Variants in SALL3 observed in about 807,000 individuals in gnomAD.
SALL3 encodes spalt like transcription factor 3, also known as sal-like protein 3.
In SALL3, 25 loss-of-function variants were observed where a neutral mutation model predicts 66.2. The observed-to-expected ratio is 0.38, with a 90% CI of 0.28 to 0.53. The LOEUF (loss-of-function observed/expected upper bound fraction) is 0.53. SALL3 is among the 20% of genes least tolerant of loss of function. The probability of loss-of-function intolerance (pLI) is 0.85; values close to 1 mark genes in which losing one functional copy is unlikely to be tolerated. For synonymous variants in SALL3, 1,152 were observed against 899.1 expected, an observed-to-expected ratio of 1.28 and a Z score of -5.03; for missense variants, 2,194 against 1,916.5, an observed-to-expected ratio of 1.14 and a Z score of -2.70.
chr18:78,994,699 A>T lies in SALL3; in HGVS notation c.2708A>T (p.Gln903Leu). ...GCCCTGTCCGAGTCCTCGTCCTCGC[A>T]GGCCCTGTCGCCGGCCCCCAGCAAT... ...SPALSESSSS[Q>L]ALSPAPSNGE... The change falls in exon 2 of 3, where the codon CAG becomes CTG. Residue 903 changes from glutamine (Q) to leucine (L), a missense_variant. Physicochemically the swap from Gln to Leu is moderately radical, Grantham distance 113. Coordinates refer to ENST00000537592, the MANE Select transcript of SALL3 (RefSeq NM_171999.4). The T allele has an allele frequency of 1.9e-6, 3 of 1,606,072 alleles. No homozygotes were observed. The highest frequency in any genetic ancestry group is 2.5e-6 in the Non-Finnish European group (3 of 1,179,386).
chr18:78,981,422 A>G (rs1251586995), intron 1 of SALL3, among the ~76,000 whole-genome samples: 4 of 152,354 alleles, frequency 2.6e-5, no homozygotes, highest in African/African-American at 9.6e-5. Context: ...TTGACCTGTT[A>G]TAAGTTGTTG....
chr18:78,981,022 C>G (rs1186156624), intron 1 of SALL3, among the ~76,000 whole-genome samples: 1 of 152,206 alleles, frequency 6.6e-6, no homozygotes, highest in East Asian at 1.9e-4. Flanking sequence ...GCGTTCGTTG[C>G]AGCGTCTGCG....
Position 78,995,041 on chromosome 18 carries a change from TG to T in SALL3, c.3053del (p.Gly1018ValfsTer3). 6.2e-7 allele frequency: 1 copy of T among 1,613,840 alleles called. No individual in the cohort carries two copies. The highest frequency in any genetic ancestry group is 8.5e-7 in the Non-Finnish European group (1 of 1,180,036). On this transcript the variant is annotated frameshift_variant, in exon 2 of 3. Coordinates refer to ENST00000537592, the MANE Select transcript of SALL3 (RefSeq NM_171999.4). LOFTEE classifies it high-confidence loss of function. ...CTCTGCAGGCGAGGGTGCTCCACTA[TG>T]GGTAATTTAAAACAGCACTTACTGA... ...CALCRRGCST[M>X]GNLKQHLLTH...
chr18:78,993,286 ACAGCGCGCT>A lies in SALL3; in HGVS notation c.1297_1305del (p.Ser433_Leu435del). ...TTCTGCGCCAAGGTCTTCGGCAGCG[ACAGCGCGCT>A]CCAGATCCACCTGCGCTCGCACACA... is the stretch of plus-strand genomic sequence containing the variant. On this transcript the variant is annotated inframe_deletion, in exon 2 of 3. Coordinates refer to ENST00000537592, the MANE Select transcript of SALL3 (RefSeq NM_171999.4). The A allele has an allele frequency of 6.2e-7, 1 of 1,611,318 alleles. No individual in the cohort carries two copies. Among genetic ancestry groups the A allele is most frequent in the Non-Finnish European group, 8.5e-7 (1 of 1,179,754 alleles).
rs776053036 is a variant in SALL3, at chr18:78,993,164, C to A, written c.1173C>A (p.Ser391=). 1 of 1,607,818 alleles carries A rather than the reference C, an allele frequency of 6.2e-7. No individual in the cohort carries two copies. The highest frequency in any genetic ancestry group is 2.2e-5 in the East Asian group (1 of 44,626). ...AATANALDPL[S]ALMKHRKGKP... ...CGGCCAACGCTCTGGACCCGCTGTCCGCGCTCATGAAGCACCGCAAGGGCA... is the reference window on the plus strand; with the variant it reads ...CGGCCAACGCTCTGGACCCGCTGTCAGCGCTCATGAAGCACCGCAAGGGCA... The change falls in exon 2 of 3, where the codon TCC becomes TCA. Residue 391 remains serine, a synonymous_variant. Coordinates refer to ENST00000537592, the MANE Select transcript of SALL3 (RefSeq NM_171999.4).
In SALL3 at chr18:78,994,394, C is replaced by T. The variant is rs747303117; in HGVS notation, c.2403C>T (p.Asp801=). ...TGAGCAGCTACGATGACGACATGGA[C>T]GAGAACTCCATGGAGGACGACGCTG... ...ETLSSYDDDM[D]ENSMEDDAEL... is the part of the protein sequence containing the mutation. The change falls in exon 2 of 3, where the codon GAC becomes GAT. Residue 801 remains aspartate, a synonymous_variant. Transcript: ENST00000537592. 6.2e-7 allele frequency: 1 copy of T among 1,613,180 alleles called. No individual in the cohort carries two copies. The highest frequency in any genetic ancestry group is 8.5e-7 in the Non-Finnish European group (1 of 1,180,000).
intron 1 of SALL3, among the ~76,000 whole-genome samples, chr18:78,991,381 G>C (rs1440711553): frequency 4.9e-5 from 3 of 60,890 alleles, no homozygotes; most frequent in Non-Finnish European, 9.8e-5. Context: ...AAAGTACAAG[G>C]GTGGGGGGGG....
At chr18:78,985,168 A>T (rs1489143280) in intron 1 of SALL3, 4 of 152,204 alleles carry the variant, frequency 2.6e-5, no homozygotes, top group African/African-American at 9.7e-5. Flanking sequence ...TCATAATACA[A>T]TTAGTGCATC....
intron 2 of SALL3, among the ~76,000 whole-genome samples, chr18:78,996,096 G>A (rs1224607527): frequency 1.3e-5 from 2 of 152,218 alleles, no homozygotes; most frequent in African/African-American, 4.8e-5. Flanking sequence ...CGTTCTGTCC[G>A]TGTGGCTGCC....
Position 78,998,054 on chromosome 18 carries a change from C to T in SALL3, c.*732C>T, listed in dbSNP as rs1017124692. 4 of 142,460 alleles carry T rather than the reference C, an allele frequency of 2.8e-5. No individual in the cohort carries two copies. Among genetic ancestry groups the T allele is most frequent in the Admixed American group, 7.2e-5 (1 of 13,868 alleles). The allele number at this position is 142,460 out of a possible 1,614,324, so 8.8% of individuals were successfully genotyped here. A position where few individuals can be genotyped will look rare whatever the true frequency, so the allele number is the denominator to read the frequency against. The stretch of plus-strand genomic sequence containing the variant: ...TTTTTAATTTAAATGTTTGTAGCTG[C>T]TATGTGGACAGTTGTTTTCTAGTGT... On this transcript the variant is annotated 3_prime_UTR_variant, in exon 3 of 3. Coordinates refer to ENST00000537592, the MANE Select transcript of SALL3 (RefSeq NM_171999.4).
chr18:78,993,384 G>C lies in SALL3; in HGVS notation c.1393G>C (p.Val465Leu), dbSNP rs1242463566. ...CTTCTCCACCAAAGGCAACCTGAAG[G>C]TGCACTTCCAGAGGCACAAGGAGAA... Reference protein sequence around the residue: ...NRFSTKGNLKVHFQRHKEKYP... With the variant: ...NRFSTKGNLKLHFQRHKEKYP... The change falls in exon 2 of 3, where the codon GTG becomes CTG. Residue 465 changes from valine to leucine, a missense_variant. Val to Leu is a conservative substitution (Grantham distance 32). Coordinates refer to ENST00000537592, the MANE Select transcript of SALL3 (RefSeq NM_171999.4). 4 of 1,612,548 alleles carry C rather than the reference G, an allele frequency of 2.5e-6. No homozygotes were observed. The highest frequency in any genetic ancestry group is 1.7e-6 in the Non-Finnish European group (2 of 1,179,900).
In SALL3 at chr18:78,996,882, C is replaced by T; in HGVS notation, c.3472-9C>T. The stretch of plus-strand genomic sequence containing the variant: ...ACTTACTCGTGGGCTGTCTCCGTGT[C>T]TCGCGCAGGTGCACATGGGGACACA... On this transcript the variant is annotated splice_polypyrimidine_tract_variant and intron_variant, in intron 2 of 2. Coordinates refer to ENST00000537592, the MANE Select transcript of SALL3 (RefSeq NM_171999.4). 5.6e-6 allele frequency: 9 copies of T among 1,598,140 alleles called. No homozygotes were observed. Among genetic ancestry groups the T allele is most frequent in the Admixed American group, 1.7e-5 (1 of 59,272 alleles).
At position 78,993,904 on chromosome 18, in the gene SALL3, C is replaced by G; in HGVS notation, c.1913C>G (p.Ala638Gly). 6.3e-7 allele frequency: 1 copy of G among 1,593,318 alleles called. No homozygotes were observed. The highest frequency in any genetic ancestry group is 8.5e-7 in the Non-Finnish European group (1 of 1,170,826). ...AGCCTCGGCAGCCCCGGGCTGCCCG[C>G]CGTCTCCGAGCAGTTCAAGGCCCAG... ...PTSLGSPGLP[A>G]VSEQFKAQFP... Residue 638 changes from alanine (A) to glycine (G), a missense_variant, in exon 2 of 3, where the codon GCC (alanine) becomes GGC (glycine). Ala to Gly is a moderately conservative substitution (Grantham distance 60). Transcript: ENST00000537592.
chr18:78,992,911 A>G lies in SALL3; in HGVS notation c.920A>G (p.Glu307Gly), dbSNP rs1478852117. 1 of 986,148 alleles carries G rather than the reference A, an allele frequency of 1.0e-6. No homozygotes were observed. The highest frequency in any genetic ancestry group is 1.2e-6 in the Non-Finnish European group (1 of 832,400). The allele number at this position is 986,148 out of a possible 1,614,324, so 61.1% of individuals were successfully genotyped here. ...GCCAGCACCCCCGGCGGCCCTGCGG[A>G]GCCCAGCGCGCCCGCCGCCCCCAGC... ...SGASTPGGPA[E>G]PSAPAAPSAA... The change falls in exon 2 of 3, where the codon GAG becomes GGG. Residue 307 changes from glutamate to glycine, a missense_variant. Glu to Gly is a moderately conservative substitution (Grantham distance 98, BLOSUM62 -2). Coordinates refer to ENST00000537592, the MANE Select transcript of SALL3 (RefSeq NM_171999.4).
At position 78,998,469 on chromosome 18, in the gene SALL3, T is replaced by C. The variant is rs562148704; in HGVS notation, c.*1147T>C. 5.7e-4 allele frequency: 87 copies of C among 152,266 alleles called. No individual in the cohort carries two copies. The highest frequency in any genetic ancestry group is 2.0e-3 in the African/African-American group (82 of 41,556). The allele number at this position is 152,266 out of a possible 1,614,324, so 9.4% of individuals were successfully genotyped here. A position where few individuals can be genotyped will look rare whatever the true frequency, so the allele number is the denominator to read the frequency against. ...GGGCCTGCCGTTTCTTAAATTAAAATGATTTATTTAACTTTTCCACAAAGC... is the reference window on the plus strand; with the variant it reads ...GGGCCTGCCGTTTCTTAAATTAAAACGATTTATTTAACTTTTCCACAAAGC... On this transcript the variant is annotated 3_prime_UTR_variant, in exon 3 of 3. Transcript: ENST00000537592.
chr18:78,981,413 T>G (rs546689394), intron 1 of SALL3, among the ~76,000 whole-genome samples: 3 of 152,328 alleles, frequency 2.0e-5, no homozygotes, highest in Non-Finnish European at 2.9e-5. Flanking sequence ...CTTTTATGAT[T>G]GACCTGTTAT....
chr18:78,980,268 T>C lies in SALL3; in HGVS notation c.-7T>C. On this transcript the variant is annotated 5_prime_UTR_variant, in exon 1 of 3. It removes the in-frame stop codon of an upstream open reading frame in the 5' UTR. Transcript: ENST00000537592. The stretch of plus-strand genomic sequence containing the variant: ...GCCCCGCGCGGGGCCCGAGCGCCGC[T>C]AGCAGCATGTCTCGGCGCAAGCAGG... 7.5e-7 allele frequency: 1 copy of C among 1,339,796 alleles called. No individual in the cohort carries two copies. Among genetic ancestry groups the C allele is most frequent in the South Asian group, 1.5e-5 (1 of 67,366 alleles). 83.0% of individuals were successfully genotyped at this position (1,339,796 alleles called of 1,614,324 possible).
At position 78,992,735 on chromosome 18, in the gene SALL3, G is replaced by A. The variant is rs545749239; in HGVS notation, c.744G>A (p.Pro248=). The A allele has an allele frequency of 3.0e-6, 4 of 1,337,198 alleles. No homozygotes were observed. Among genetic ancestry groups the A allele is most frequent in the East Asian group, 7.9e-5 (2 of 25,382 alleles). 82.8% of individuals were successfully genotyped at this position (1,337,198 alleles called of 1,614,324 possible). ...PRPSLSPAAA[P]SAPGPAPSQL... Reference sequence around the variant, plus strand: ...CCTCACTCAGCCCCGCGGCCGCCCCGAGCGCACCGGGCCCGGCCCCCAGCC... The same window carrying A: ...CCTCACTCAGCCCCGCGGCCGCCCCAAGCGCACCGGGCCCGGCCCCCAGCC... Residue 248 remains proline, a synonymous_variant, in exon 2 of 3, where the codon CCG becomes CCA. Transcript: ENST00000537592.
chr18:78,980,238 C>T lies in SALL3; in HGVS notation c.-37C>T. 1 of 1,108,156 alleles carries T rather than the reference C, an allele frequency of 9.0e-7. No individual in the cohort carries two copies. Among genetic ancestry groups the T allele is most frequent in the Non-Finnish European group, 1.1e-6 (1 of 894,510 alleles). 68.6% of individuals were successfully genotyped at this position (1,108,156 alleles called of 1,614,324 possible). ...GTCCCCGCCGGCCGCCCCGCTGATGCCGCTGCCCCGCGCGGGGCCCGAGCG... is the reference window on the plus strand; with the variant it reads ...GTCCCCGCCGGCCGCCCCGCTGATGTCGCTGCCCCGCGCGGGGCCCGAGCG... On this transcript the variant is annotated 5_prime_UTR_variant, in exon 1 of 3. Transcript: ENST00000537592.
Sources: gnomAD v4.1 joint callset for allele counts (sites outside exome capture counted in the v4.1 genomes callset) on GRCh38, gnomAD v4.1.1 for gene constraint, MANE v1.5 for transcripts, NCBI Gene and HGNC (gene_info 2026-07-23, HGNC 2026-07-21) for gene names.